Variants in IRAK1BP1 observed in about 807,000 individuals in gnomAD.
IRAK1BP1 encodes the protein interleukin 1 receptor associated kinase 1 binding protein 1.
IRAK1BP1 carries 24 observed loss-of-function variants against 28.0 expected under a neutral mutation model. That is an observed-to-expected ratio of 0.86 (90% CI 0.62 to 1.20). The LOEUF (loss-of-function observed/expected upper bound fraction) is 1.20, where lower values mean the gene tolerates loss of function less well. IRAK1BP1 is among the 50% of genes most tolerant of loss of function. The pLI, the probability that IRAK1BP1 is intolerant of heterozygous loss-of-function variation, is 0.00. For missense variants in IRAK1BP1, 336 were observed against 316.7 expected, an observed-to-expected ratio of 1.06 and a Z score of -0.46; for synonymous variants, 131 against 116.3, an observed-to-expected ratio of 1.13 and a Z score of -0.81.
chr6:78,869,043 TC>T (rs1461043629), intron 1 of IRAK1BP1, among the ~76,000 whole-genome samples: 1 of 152,254 alleles, frequency 6.6e-6, no homozygotes, highest in Non-Finnish European at 1.5e-5. Context: ...GGACAAGATT[TC>T]TTCAAATGAT....
the IRAK1BP1 span, among the ~76,000 whole-genome samples, chr6:78,969,222 T>C: frequency 6.6e-6 from 1 of 152,348 alleles, no homozygotes; most frequent in Non-Finnish European, 1.5e-5. Context: ...CAATGCGTTC[T>C]AGTGGCACTG....
chr6:78,960,937 A>G, the IRAK1BP1 span, among the ~76,000 whole-genome samples: 1 of 152,162 alleles, frequency 6.6e-6, no homozygotes, highest in African/African-American at 2.4e-5. Flanking sequence ...GTAATAAATA[A>G]CTGGTCACAA....
At chr6:78,934,932 A>C (rs1033441492) in intron 4 of IRAK1BP1, among the ~76,000 whole-genome samples, 5 of 152,174 alleles carry the variant, frequency 3.3e-5, no homozygotes, top group Admixed American at 2.6e-4. Flanking sequence ...TCTTTTCCCA[A>C]AGACTAATCA....
intron 4 of IRAK1BP1, among the ~76,000 whole-genome samples, chr6:78,927,667 G>A (rs966598251): frequency 2.0e-5 from 3 of 152,044 alleles, no homozygotes; most frequent in Non-Finnish European, 2.9e-5. Flanking sequence ...ATAGTTTGAG[G>A]TCTTAGATTT....
In IRAK1BP1 at chr6:78,893,314, GTATATATATATATATATATA is replaced by G. The variant is rs60728695; in HGVS notation, c.382-4499_382-4480del. ...TATATGTGTGTGTGTGTGTGTGTGT[GTATATATATATATATATATA>G]TATATATATATATATCAACGAAGAG... On this transcript the variant is annotated intron_variant, in intron 2 of 3. Coordinates refer to ENST00000369940, the MANE Select transcript of IRAK1BP1 (RefSeq NM_001010844.4). Among the ~76,000 whole-genome samples, 13 of 103,456 alleles carry G rather than the reference GTATATATATATATATATATA, an allele frequency of 1.3e-4. No individual in the cohort carries two copies. The South Asian group carries it at 3.0e-3, about 24-fold the overall frequency. 67.9% of individuals were successfully genotyped at this position (103,456 alleles called of 152,430 possible).
At chr6:78,907,975 C>G (rs550801120), downstream of IRAK1BP1, among the ~76,000 whole-genome samples, 1 of 151,954 alleles carries the variant, frequency 6.6e-6, no homozygotes, top group Non-Finnish European at 1.5e-5. Flanking sequence ...GCCTCAGCCT[C>G]CCAAAGTGCT....
rs190309928 is a variant in IRAK1BP1 at position 78,918,977 on chromosome 6, G to A, written c.*67+15867G>A. 6.4e-4 allele frequency among the ~76,000 whole-genome samples: 98 copies of A among 152,120 alleles called. 1 individual carries two copies. The South Asian group carries it at 8.1e-3, about 13-fold the overall frequency. Reference sequence around the variant, plus strand: ...CATAAAGCAAGTGTCAATAAATTCAGAAAAATCAAATCATACCAAACATAC... The same window carrying A: ...CATAAAGCAAGTGTCAATAAATTCAAAAAAATCAAATCATACCAAACATAC... On this transcript the variant is annotated intron_variant and NMD_transcript_variant, in intron 4 of 4. Coordinates refer to the IRAK1BP1 transcript ENST00000606868.
At chr6:78,940,754 G>C in intron 4 of IRAK1BP1, 1 of 1,613,456 alleles carries the variant, frequency 6.2e-7, no homozygotes, top group Non-Finnish European at 8.5e-7. Context: ...TCCTCTACTA[G>C]AAGTTCCAAA....
chr6:78,978,796 T>TA, the IRAK1BP1 span: 4 of 1,092,018 alleles, frequency 3.7e-6, no homozygotes, highest in Non-Finnish European at 5.2e-6. Context: ...ACTATAAAGA[T>TA]AATTAAATAA....
rs183606582 is a variant in IRAK1BP1 at position 78,942,031 on chromosome 6, T to G, written c.*68-3377T>G. 2.6e-5 allele frequency among the ~76,000 whole-genome samples: 4 copies of G among 152,330 alleles called. No individual in the cohort carries two copies. The East Asian group carries it at 7.7e-4, about 29-fold the overall frequency. On this transcript the variant is annotated intron_variant and NMD_transcript_variant, in intron 4 of 4. Coordinates refer to the IRAK1BP1 transcript ENST00000606868. Reference sequence around the variant, plus strand: ...CAGGAACTACCAGTAACTAACTCTCTTTCCCTCCAAATTTCTGACATGTTT... The same window carrying G: ...CAGGAACTACCAGTAACTAACTCTCGTTCCCTCCAAATTTCTGACATGTTT...
At chr6:78,913,860 C>T (rs1772488474) in intron 4 of IRAK1BP1, among the ~76,000 whole-genome samples, 1 of 152,082 alleles carries the variant, frequency 6.6e-6, no homozygotes, top group Non-Finnish European at 1.5e-5. Flanking sequence ...AAATAGTGAG[C>T]AGCAAATAGG....
At chr6:78,971,496 T>C in the IRAK1BP1 span, among the ~76,000 whole-genome samples, 1 of 152,168 alleles carries the variant, frequency 6.6e-6, no homozygotes, top group Non-Finnish European at 1.5e-5. Flanking sequence ...TTTCATTCTA[T>C]TCATTAATAC....
chr6:78,958,479 TA>T, the IRAK1BP1 span: 3 of 1,507,472 alleles, frequency 2.0e-6, no homozygotes, highest in Non-Finnish European at 2.8e-6. Flanking sequence ...ACTTACTTTA[TA>T]AAATGTAGAA....
Position 78,897,830 on chromosome 6 carries a change from T to C in IRAK1BP1, c.383T>C (p.Val128Ala), listed in dbSNP as rs1395382573. The change falls in exon 3 of 4, where the codon GTC (valine) becomes GCC (alanine). Residue 128 changes from valine to alanine, a missense_variant and splice_region_variant. By Grantham distance (64) the Val-to-Ala change is moderately conservative. Transcript: ENST00000369940. ...VENAYHMEAE[V>A]CITFTEFGKM... Reference sequence around the variant, plus strand: ...AATATCGTGTCATTTCATTTACAGGTCTGCATTACATTTACTGAATTTGGA... The same window carrying C: ...AATATCGTGTCATTTCATTTACAGGCCTGCATTACATTTACTGAATTTGGA... The C allele has an allele frequency of 6.2e-7, 1 of 1,611,474 alleles. No individual in the cohort carries two copies. The highest frequency in any genetic ancestry group is 1.7e-5 in the Admixed American group (1 of 59,890).
chr6:78,924,030 C>T (rs1056867882), intron 4 of IRAK1BP1, among the ~76,000 whole-genome samples: 11 of 152,086 alleles, frequency 7.2e-5, no homozygotes, highest in Non-Finnish European at 1.3e-4. Flanking sequence ...AGAGCAAACA[C>T]ATTCAAAAGC....
intron 4 of IRAK1BP1, among the ~76,000 whole-genome samples, chr6:78,920,215 C>T (rs1772685492): frequency 6.6e-6 from 1 of 152,142 alleles, no homozygotes; most frequent in African/African-American, 2.4e-5. Context: ...GATTGTGCCA[C>T]TGCACTCCAG....
the IRAK1BP1 span, among the ~76,000 whole-genome samples, chr6:78,961,169 ACT>A: frequency 2.0e-5 from 3 of 152,092 alleles, no homozygotes; most frequent in African/African-American, 7.2e-5. Context: ...GGGCCATTTA[ACT>A]CTAATTCTTT....
the IRAK1BP1 span, among the ~76,000 whole-genome samples, chr6:78,960,132 G>A: frequency 6.6e-5 from 10 of 152,084 alleles, no homozygotes; most frequent in African/African-American, 2.2e-4. Context: ...TTTGAAGTAT[G>A]GTTTCTACTG....
At chr6:78,968,609 C>A in the IRAK1BP1 span, among the ~76,000 whole-genome samples, 4 of 152,150 alleles carry the variant, frequency 2.6e-5, no homozygotes, top group African/African-American at 9.7e-5. Flanking sequence ...TACAACTGTG[C>A]ATAAAAAGTA....
Sources: allele counts gnomAD v4.1 joint callset (sites outside exome capture counted in the v4.1 genomes callset), GRCh38; gene constraint gnomAD v4.1.1; transcripts MANE v1.5; gene names NCBI Gene and HGNC (gene_info 2026-07-23, HGNC 2026-07-21).